Variants in ATXN10 observed in about 807,000 individuals in gnomAD.
The protein encoded by ATXN10 is ataxin 10.
A neutral mutation model predicts 52.9 loss-of-function variants in ATXN10; 28 were observed. The ratio of observed to expected loss-of-function variants is 0.53; its 90% CI spans 0.39 to 0.73. ATXN10 has a LOEUF of 0.73. Ranked by LOEUF, ATXN10 falls within the 30% of genes least tolerant of loss-of-function variation. The pLI, the probability that ATXN10 is intolerant of heterozygous loss-of-function variation, is 0.00. For synonymous variants in ATXN10, 226 were observed against 221.5 expected, an observed-to-expected ratio of 1.02 and a Z score of -0.18; for missense variants, 565 against 577.0, an observed-to-expected ratio of 0.98 and a Z score of 0.21.
intron 10 of ATXN10, among the ~76,000 whole-genome samples, chr22:45,814,092 G>T (rs1189303109): frequency 6.6e-6 from 1 of 152,150 alleles, no homozygotes; most frequent in Non-Finnish European, 1.5e-5. Flanking sequence ...CAGTGTGAAT[G>T]GTAAAACAAA....
chr22:45,830,272 C>T (rs563289467), intron 10 of ATXN10, among the ~76,000 whole-genome samples: 1 of 152,172 alleles, frequency 6.6e-6, no homozygotes, highest in Non-Finnish European at 1.5e-5. Flanking sequence ...AGAAGCTTCA[C>T]ATGACATTGG....
At chr22:45,809,693 G>T (rs1416040429) in intron 10 of ATXN10, among the ~76,000 whole-genome samples, 2 of 152,118 alleles carry the variant, frequency 1.3e-5, no homozygotes, top group African/African-American at 4.8e-5. Flanking sequence ...GCTATTTGAG[G>T]TGTGTGTGAG....
chr22:45,757,423 G>A lies in ATXN10; in HGVS notation c.1173+16885G>A, dbSNP rs768113734. The stretch of plus-strand genomic sequence containing the variant: ...AGGGACAGAAAATGCCTGAGGCTCC[G>A]AGGTGGGAGCCCAGGCTGGGATTCA... On this transcript the variant is annotated intron_variant, in intron 9 of 11. Coordinates refer to ENST00000252934, the MANE Select transcript of ATXN10 (RefSeq NM_013236.4). The surrounding 1 kb of genome is among the most constrained non-coding windows in gnomAD (Gnocchi z 4.6). 1.2e-4 allele frequency among the ~76,000 whole-genome samples: 18 copies of A among 152,140 alleles called. No individual in the cohort carries two copies. The highest frequency in any genetic ancestry group is 2.6e-4 in the Admixed American group (4 of 15,284).
rs971974596 is a variant in ATXN10, at chr22:45,732,457, CA to C, written c.894+2876del. On this transcript the variant is annotated intron_variant, in intron 7 of 11. Transcript: ENST00000252934. This position sits in a 1 kb window ranked among gnomAD's most constrained non-coding sequence, Gnocchi z 4.5. ...CTGGGGAAGAGTGAGATCCTGTCTC[CA>C]AAAAAAAAGAAAAAATTGTAGGCAG... Among the ~76,000 whole-genome samples the C allele has an allele frequency of 2.0e-5, 3 of 147,850 alleles. No homozygotes were observed. The highest frequency in any genetic ancestry group is 6.7e-5 in the Admixed American group (1 of 14,816).
At position 45,838,606 on chromosome 22, in the gene ATXN10, C is replaced by G. The variant is rs188610473; in HGVS notation, c.1238-4385C>G. Reference sequence around the variant, plus strand: ...CCCCTACTCTTTCTTTCTCTCTGTCCCTTTAGAGAGGGAACAAGAGGGCAA... The same window carrying G: ...CCCCTACTCTTTCTTTCTCTCTGTCGCTTTAGAGAGGGAACAAGAGGGCAA... On this transcript the variant is annotated intron_variant, in intron 10 of 11. Transcript: ENST00000252934. Among the ~76,000 whole-genome samples, 956 of 152,152 alleles carry G rather than the reference C, an allele frequency of 6.3e-3. 7 individuals are homozygous for G. The highest frequency in any genetic ancestry group is 0.014 in the South Asian group (65 of 4,808).
At chr22:45,707,650 G>A (rs190846098) in intron 5 of ATXN10, among the ~76,000 whole-genome samples, 4 of 148,612 alleles carry the variant, frequency 2.7e-5, no homozygotes, top group African/African-American at 7.4e-5. Flanking sequence ...AATATAATAT[G>A]ATATAATATA....
intron 3 of ATXN10, among the ~76,000 whole-genome samples, chr22:45,694,546 C>G (rs75889202): frequency 6.6e-6 from 1 of 151,986 alleles, no homozygotes; most frequent in Non-Finnish European, 1.5e-5. Context: ...CTTTGGGAGG[C>G]TGAGGCGGGC....
At chr22:45,811,827 G>A in intron 10 of ATXN10, 1 of 468,414 alleles carries the variant, frequency 2.1e-6, no homozygotes, top group South Asian at 1.6e-5. Flanking sequence ...TCAGTGTCAT[G>A]ATCTTTGAAA....
In ATXN10 at chr22:45,819,735, T is replaced by C. The variant is rs949432391; in HGVS notation, c.1237+12713T>C. ...TTATCATTTAATGTATGTATTTTCT[T>C]ATGAAGTTAATTATTTGCCAATTTT... is the stretch of plus-strand genomic sequence containing the variant. On this transcript the variant is annotated intron_variant, in intron 10 of 11. Transcript: ENST00000252934. The surrounding 1 kb of genome is among the most constrained non-coding windows in gnomAD (Gnocchi z 4.5). Among the ~76,000 whole-genome samples, 1 of 152,222 alleles carries C rather than the reference T, an allele frequency of 6.6e-6. No homozygotes were observed. Among genetic ancestry groups the C allele is most frequent in the African/African-American group, 2.4e-5 (1 of 41,442 alleles).
intron 4 of ATXN10, 52 bp from the exon 5 acceptor site, chr22:45,702,637 G>A: frequency 6.3e-7 from 1 of 1,584,414 alleles, no homozygotes; most frequent in Non-Finnish European, 8.7e-7. Context: ...TTATTTTTGT[G>A]TTTTATCATG....
rs779402669 is a variant in ATXN10, at chr22:45,840,005, G to A, written c.1238-2986G>A. Among the ~76,000 whole-genome samples the A allele has an allele frequency of 2.0e-5, 3 of 152,240 alleles. No homozygotes were observed. The highest frequency in any genetic ancestry group is 4.4e-5 in the Non-Finnish European group (3 of 68,042). ...CACCACGCTAGGGACAGAGCACAGA[G>A]AAGTGAGTACTATTGGTCTTGTTGT... On this transcript the variant is annotated intron_variant, in intron 10 of 11. Coordinates refer to ENST00000252934, the MANE Select transcript of ATXN10 (RefSeq NM_013236.4). This position sits in a 1 kb window ranked among gnomAD's most constrained non-coding sequence, Gnocchi z 5.8.
rs1019602515 is a variant in ATXN10 at position 45,795,681 on chromosome 22, A to G, written c.1174-11278A>G. Among the ~76,000 whole-genome samples, 16 of 152,188 alleles carry G rather than the reference A, an allele frequency of 1.1e-4. 1 individual carries two copies. The highest frequency in any genetic ancestry group is 2.4e-4 in the Non-Finnish European group (16 of 68,036). ...AACATAAATTGTTAAGATTTCATGG[A>G]CATTTATTAGTTCCCCAAATTAATA... On this transcript the variant is annotated intron_variant, in intron 9 of 11. Coordinates refer to ENST00000252934, the MANE Select transcript of ATXN10 (RefSeq NM_013236.4). This position sits in a 1 kb window ranked among gnomAD's most constrained non-coding sequence, Gnocchi z 4.6.
chr22:45,711,144 A>G (rs1034696977), intron 5 of ATXN10, among the ~76,000 whole-genome samples: 2 of 152,178 alleles, frequency 1.3e-5, no homozygotes, highest in Non-Finnish European at 2.9e-5. Flanking sequence ...AACCCCAGTC[A>G]GTGTCTTAAA....
At chr22:45,817,318 CT>C (rs11326332) in intron 10 of ATXN10, among the ~76,000 whole-genome samples, 66,109 of 98,482 alleles carry the variant, frequency 0.67, 21,809 homozygotes, top group Admixed American at 0.72. Context: ...ATTGATTTAA[CT>C]TTTTTTTTTT....
At chr22:45,697,393 C>T (rs1050392247) in intron 3 of ATXN10, among the ~76,000 whole-genome samples, 11 of 152,106 alleles carry the variant, frequency 7.2e-5, no homozygotes, top group Non-Finnish European at 1.6e-4. Context: ...CCTCGGCCTC[C>T]GAAAGTGCTG....
At position 45,833,707 on chromosome 22, in the gene ATXN10, A is replaced by C. The variant is rs960880549; in HGVS notation, c.1238-9284A>C. 3.3e-5 allele frequency among the ~76,000 whole-genome samples: 5 copies of C among 152,194 alleles called. No homozygotes were observed. The highest frequency in any genetic ancestry group is 1.2e-4 in the African/African-American group (5 of 41,436). ...TTGGGATTTCTTTGAAGAGAAAGGG[A>C]TGTATTTCATGTATCACAAAACCTA... On this transcript the variant is annotated intron_variant, in intron 10 of 11. Transcript: ENST00000252934. This position sits in a 1 kb window ranked among gnomAD's most constrained non-coding sequence, Gnocchi z 4.3.
At position 45,677,850 on chromosome 22, in the gene ATXN10, T is replaced by G. The variant is rs756704472; in HGVS notation, c.116+5671T>G. The G allele has an allele frequency of 2.0e-5, 3 of 152,206 alleles. No homozygotes were observed. The highest frequency in any genetic ancestry group is 4.4e-5 in the Non-Finnish European group (3 of 68,036). 9.4% of individuals were successfully genotyped at this position (152,206 alleles called of 1,614,324 possible). Reference sequence around the variant, plus strand: ...GGATGTGGGGAAATGGGAACCCTTGTGTGTTGCTAGTGGACATGTAAAGTG... The same window carrying G: ...GGATGTGGGGAAATGGGAACCCTTGGGTGTTGCTAGTGGACATGTAAAGTG... On this transcript the variant is annotated intron_variant, in intron 1 of 11. Transcript: ENST00000252934. This position sits in a 1 kb window ranked among gnomAD's most constrained non-coding sequence, Gnocchi z 4.1.
intron 7 of ATXN10, among the ~76,000 whole-genome samples, chr22:45,731,931 G>A (rs1468762116): frequency 2.6e-5 from 4 of 152,174 alleles, no homozygotes. Flanking sequence ...GTTTCCAGCA[G>A]GAGGAGCAGT....
At position 45,824,891 on chromosome 22, in the gene ATXN10, C is replaced by T. The variant is rs1316271466; in HGVS notation, c.1237+17869C>T. The stretch of plus-strand genomic sequence containing the variant: ...TTCATGGGTAGGAGGTCCCAGGAAT[C>T]TCCTAGACAACATTTGTACTGAATC... On this transcript the variant is annotated intron_variant, in intron 10 of 11. Coordinates refer to ENST00000252934, the MANE Select transcript of ATXN10 (RefSeq NM_013236.4). This position sits in a 1 kb window ranked among gnomAD's most constrained non-coding sequence, Gnocchi z 5.2. 1.3e-5 allele frequency among the ~76,000 whole-genome samples: 2 copies of T among 152,192 alleles called. No homozygotes were observed. The highest frequency in any genetic ancestry group is 4.8e-5 in the African/African-American group (2 of 41,458).
Sources: gnomAD v4.1 joint callset for allele counts (sites outside exome capture counted in the v4.1 genomes callset) on GRCh38, gnomAD v4.1.1 for gene constraint, Gnocchi (gnomAD v3.1) non-coding constraint, MANE v1.5 for transcripts, NCBI Gene and HGNC (gene_info 2026-07-23, HGNC 2026-07-21) for gene names.